The following CDC73 variants were observed in gnomAD, a reference collection of about 807,000 sequenced individuals.
The protein encoded by CDC73 is parafibromin.
In CDC73, 21 loss-of-function variants were observed where a neutral mutation model predicts 83.7. The observed-to-expected ratio is 0.25, with a 90% confidence interval of 0.18 to 0.36. CDC73 has a LOEUF of 0.36. CDC73 is among the 10% of genes least tolerant of loss of function. The pLI is 1.00. For missense variants in CDC73, 342 were observed against 653.3 expected (o/e 0.52, Z 5.19); for synonymous variants, 224 against 212.9 (o/e 1.05, Z -0.45).
intron 10 of CDC73, among the ~76,000 whole-genome samples, chr1:193,192,217 C>T (rs985050676): frequency 2.6e-5 from 4 of 151,938 alleles, no homozygotes; most frequent in East Asian, 1.9e-4. Context: ...CCGAGATGAG[C>T]GAATCACCTG....
At chr1:193,139,417 C>T (rs1675862607) in intron 6 of CDC73, among the ~76,000 whole-genome samples, 1 of 152,082 alleles carries the variant, frequency 6.6e-6, no homozygotes, top group African/African-American at 2.4e-5. Context: ...CAGGTGCATG[C>T]CACCACGCCC....
intron 13 of CDC73, among the ~76,000 whole-genome samples, chr1:193,219,026 C>T (rs1677417556): frequency 6.6e-6 from 1 of 151,914 alleles, no homozygotes; most frequent in Non-Finnish European, 1.5e-5. Context: ...GATCTAATAC[C>T]CAGAATGTAT....
At chr1:193,212,945 A>G (rs1677303275) in intron 13 of CDC73, among the ~76,000 whole-genome samples, 1 of 152,186 alleles carries the variant, frequency 6.6e-6, no homozygotes, top group Non-Finnish European at 1.5e-5. Flanking sequence ...TTAACTTTTC[A>G]AAAATTTTAA....
intron 1 of CDC73, among the ~76,000 whole-genome samples, chr1:193,122,995 A>G (rs563695734): frequency 1.3e-5 from 2 of 152,276 alleles, no homozygotes; most frequent in East Asian, 1.9e-4. Context: ...TTAAAGGGAA[A>G]TGTTTGGGAA....
chr1:193,227,152 C>A (rs1677580603), intron 13 of CDC73, among the ~76,000 whole-genome samples: 1 of 151,996 alleles, frequency 6.6e-6, no homozygotes, highest in South Asian at 2.1e-4. Flanking sequence ...TCGGTGGTGT[C>A]AGGTGTAATA....
chr1:193,236,224 C>G (rs750252081), intron 14 of CDC73, 32 bp from the exon 15 acceptor site: 1 of 1,346,528 alleles, frequency 7.4e-7, no homozygotes, highest in Non-Finnish European at 1.1e-6. Flanking sequence ...CGTCTGTCCC[C>G]TACCTCCCCC....
At chr1:193,200,064 C>CAA (rs34458896) in intron 10 of CDC73, among the ~76,000 whole-genome samples, 4 of 138,948 alleles carry the variant, frequency 2.9e-5, no homozygotes, top group African/African-American at 1.1e-4. Context: ...CTGTCTCCAC[C>CAA]AAAAAAAAAA....
At chr1:193,162,341 T>C (rs954175629) in intron 10 of CDC73, among the ~76,000 whole-genome samples, 64 of 138,466 alleles carry the variant, frequency 4.6e-4, no homozygotes, top group African/African-American at 1.6e-3. Context: ...TACTATATAT[T>C]ATATATACAT....
intron 10 of CDC73, among the ~76,000 whole-genome samples, chr1:193,185,300 T>A (rs1676786509): frequency 6.6e-6 from 1 of 152,118 alleles, no homozygotes; most frequent in African/African-American, 2.4e-5. Context: ...TTAAAGCCAC[T>A]ATTGATGTCC....
In CDC73 at chr1:193,230,166, T is replaced by C. The variant is rs930304762; in HGVS notation, c.1155-2827T>C. ...TTCTTTTTTTTTTTTTTTTTTCTCC[T>C]GAGGCAGAGTCTCACTCTGTCCCCC... is the stretch of plus-strand genomic sequence containing the variant. On this transcript the variant is annotated intron_variant, in intron 13 of 16. Coordinates refer to ENST00000367435, the MANE Select transcript of CDC73 (RefSeq NM_024529.5). 5.4e-5 allele frequency among the ~76,000 whole-genome samples: 8 copies of C among 149,126 alleles called. No individual in the cohort carries two copies. The Admixed American group carries it at 5.4e-4, about 10-fold the overall frequency.
intron 7 of CDC73, among the ~76,000 whole-genome samples, chr1:193,142,965 A>G (rs1244844832): frequency 6.6e-6 from 1 of 152,100 alleles, no homozygotes; most frequent in Non-Finnish European, 1.5e-5. Flanking sequence ...ACTGATGCAC[A>G]GTTGTTAATA....
chr1:193,151,236 GT>G (rs981676751), intron 9 of CDC73, among the ~76,000 whole-genome samples: 1 of 151,986 alleles, frequency 6.6e-6, no homozygotes, highest in African/African-American at 2.4e-5. Flanking sequence ...CTTCATTTAA[GT>G]TTTTTTTAAA....
intron 10 of CDC73, among the ~76,000 whole-genome samples, chr1:193,198,870 A>G (rs1677043835): frequency 6.6e-6 from 1 of 152,116 alleles, no homozygotes; most frequent in Non-Finnish European, 1.5e-5. Flanking sequence ...TTGTAGTTTA[A>G]TTTTCTCATC....
chr1:193,180,234 T>G, intron 10 of CDC73: 1 of 1,443,304 alleles, frequency 6.9e-7, no homozygotes. Flanking sequence ...TAATCAGTTC[T>G]AACTATACAT....
intron 10 of CDC73, among the ~76,000 whole-genome samples, chr1:193,199,482 C>T (rs1014468800): frequency 7.9e-5 from 12 of 151,956 alleles, no homozygotes; most frequent in Admixed American, 3.9e-4. Context: ...GAGGCAGAGG[C>T]GGGTGGGTCA....
In CDC73 at chr1:193,203,870, T is replaced by C; in HGVS notation, c.1030+18T>C. The stretch of plus-strand genomic sequence containing the variant: ...AAGACCAGGTAGAAATATAGAACTT[T>C]GCTTTTTGTTTTCTTTCAAAAGATC... On this transcript the variant is annotated intron_variant, in intron 11 of 16. Coordinates refer to ENST00000367435, the MANE Select transcript of CDC73 (RefSeq NM_024529.5). The C allele has an allele frequency of 1.2e-6, 2 of 1,610,994 alleles. No homozygotes were observed. The highest frequency in any genetic ancestry group is 1.7e-6 in the Non-Finnish European group (2 of 1,177,212).
chr1:193,145,982 G>T (rs976987999), intron 7 of CDC73, among the ~76,000 whole-genome samples: 5 of 152,106 alleles, frequency 3.3e-5, no homozygotes, highest in African/African-American at 1.2e-4. Context: ...CACCCAGCAA[G>T]GGCAGTTAAC....
chr1:193,180,339 T>A, intron 10 of CDC73: 1 of 1,594,058 alleles, frequency 6.3e-7, no homozygotes. Flanking sequence ...TTTCTTTTGC[T>A]GCGTTGGCAC....
At position 193,251,263 on chromosome 1, in the gene CDC73, G is replaced by C. The variant is rs1303025334; in HGVS notation, c.*551G>C. On this transcript the variant is annotated 3_prime_UTR_variant, in exon 17 of 17. Transcript: ENST00000367435. ...TCTAGATCAATTCTTCAATTTGATT[G>C]AACTGTTCAGCCTTTTCAAGATTTC... 1 of 232,238 alleles carries C rather than the reference G, an allele frequency of 4.3e-6. No individual in the cohort carries two copies. Among genetic ancestry groups the C allele is most frequent in the Admixed American group, 5.6e-5 (1 of 17,774 alleles). 14.4% of individuals were successfully genotyped at this position (232,238 alleles called of 1,614,324 possible). A position where few individuals can be genotyped will look rare whatever the true frequency, so the allele number is the denominator to read the frequency against.
Sources: gnomAD v4.1 joint callset for allele counts (sites outside exome capture counted in the v4.1 genomes callset) on GRCh38, gnomAD v4.1.1 for gene constraint, MANE v1.5 for transcripts, NCBI Gene and HGNC (gene_info 2026-07-23, HGNC 2026-07-21) for gene names.